The following AUTS2 variants were observed in gnomAD, a reference collection of about 807,000 sequenced individuals.
AUTS2 encodes activator of transcription and developmental regulator AUTS2.
In AUTS2, 17 loss-of-function variants were observed where a neutral mutation model predicts 112.4. The ratio of observed to expected loss-of-function variants is 0.15; its 90% CI spans 0.10 to 0.23. The LOEUF (loss-of-function observed/expected upper bound fraction) is 0.23, where lower values mean the gene tolerates loss of function less well. Among genes scored for constraint, AUTS2 ranks in the 10% least tolerant of loss-of-function variants. AUTS2 has a pLI of 1.00. For missense variants in AUTS2, 1,510 were observed against 1,701.6 expected, an observed-to-expected ratio of 0.89 and a Z score of 1.98; for synonymous variants, 751 against 702.7, an observed-to-expected ratio of 1.07 and a Z score of -1.09.
chr7:70,173,174 C>A (rs1381613056), intron 4 of AUTS2, among the ~76,000 whole-genome samples: 1 of 151,960 alleles, frequency 6.6e-6, no homozygotes, highest in Admixed American at 6.6e-5. Context: ...GTCAGGAGAT[C>A]GAGACCATCC....
chr7:70,165,199 G>C (rs1009561955), intron 4 of AUTS2, among the ~76,000 whole-genome samples: 9 of 152,162 alleles, frequency 5.9e-5, no homozygotes, highest in African/African-American at 7.2e-5. Flanking sequence ...AAAAAATGGA[G>C]CATTGCCATA....
chr7:69,715,978 CAG>C (rs1798586932), intron 1 of AUTS2, among the ~76,000 whole-genome samples: 2 of 152,194 alleles, frequency 1.3e-5, no homozygotes, highest in Admixed American at 6.5e-5. Flanking sequence ...CTATAGAGCA[CAG>C]AGTCTTAACC....
chr7:70,161,837 A>AT (rs1267926863), intron 4 of AUTS2, among the ~76,000 whole-genome samples: 6 of 151,946 alleles, frequency 3.9e-5, no homozygotes, highest in African/African-American at 1.2e-4. Context: ...TCGTGGTGTA[A>AT]TTTTTTACAA....
At chr7:70,014,513 A>C (rs942391919) in intron 2 of AUTS2, among the ~76,000 whole-genome samples, 1 of 152,220 alleles carries the variant, frequency 6.6e-6, no homozygotes, top group African/African-American at 2.4e-5. Context: ...TTATTAAATT[A>C]ATGAAGATTT....
At chr7:70,392,802 A>G (rs1793921848) in intron 4 of AUTS2, among the ~76,000 whole-genome samples, 1 of 152,212 alleles carries the variant, frequency 6.6e-6, no homozygotes, top group South Asian at 2.1e-4. Context: ...TTTTCCAGAA[A>G]TCTTTAGACA....
intron 1 of AUTS2, among the ~76,000 whole-genome samples, chr7:69,659,847 G>T (rs1795716833): frequency 6.6e-6 from 1 of 152,092 alleles, no homozygotes; most frequent in Admixed American, 6.5e-5. Context: ...TTATGACTCA[G>T]CTACCTGCTT....
At chr7:70,012,918 T>C (rs1799870317) in intron 2 of AUTS2, among the ~76,000 whole-genome samples, 1 of 152,216 alleles carries the variant, frequency 6.6e-6, no homozygotes, top group South Asian at 2.1e-4. Flanking sequence ...AAATAAGTGC[T>C]CATGAATAGG....
intron 4 of AUTS2, among the ~76,000 whole-genome samples, chr7:70,278,560 G>A (rs1788048117): frequency 6.6e-6 from 1 of 152,034 alleles, no homozygotes; most frequent in South Asian, 2.1e-4. Flanking sequence ...CTGGGTGACA[G>A]AGTAAGACAG....
At chr7:70,164,540 T>A (rs1274827344) in intron 4 of AUTS2, among the ~76,000 whole-genome samples, 1 of 152,140 alleles carries the variant, frequency 6.6e-6, no homozygotes, top group East Asian at 1.9e-4. Flanking sequence ...TTAAAAAATT[T>A]TTTTGATGTT....
chr7:69,890,110 C>T (rs575287134), intron 1 of AUTS2, among the ~76,000 whole-genome samples: 1 of 152,208 alleles, frequency 6.6e-6, no homozygotes, highest in Admixed American at 6.5e-5. Context: ...TCCTTCAGGG[C>T]TGAGAGCCTA....
chr7:70,013,868 T>C (rs1288474286), intron 2 of AUTS2, among the ~76,000 whole-genome samples: 1 of 152,000 alleles, frequency 6.6e-6, no homozygotes, highest in Non-Finnish European at 1.5e-5. Context: ...CAGGCACGTA[T>C]CACCACGCCC....
At chr7:70,214,971 G>T (rs374334001) in intron 4 of AUTS2, among the ~76,000 whole-genome samples, 2 of 152,138 alleles carry the variant, frequency 1.3e-5, no homozygotes, top group Non-Finnish European at 2.9e-5. Context: ...AAGCTCAGGG[G>T]TTTATGGACC....
intron 5 of AUTS2, among the ~76,000 whole-genome samples, chr7:70,687,809 G>C (rs1268084385): frequency 2.0e-5 from 3 of 152,128 alleles, no homozygotes; most frequent in Non-Finnish European, 4.4e-5. Flanking sequence ...AGAGGAACTG[G>C]GGGCCACCTG....
intron 2 of AUTS2, among the ~76,000 whole-genome samples, chr7:69,986,092 T>G (rs2129550847): frequency 6.6e-6 from 1 of 152,184 alleles, no homozygotes; most frequent in East Asian, 1.9e-4. Context: ...CTGTTATTGT[T>G]TCCTCTGTAT....
chr7:69,787,017 A>C (rs1789407089), intron 1 of AUTS2, among the ~76,000 whole-genome samples: 1 of 152,224 alleles, frequency 6.6e-6, no homozygotes, highest in Non-Finnish European at 1.5e-5. Context: ...AGTAAACTGA[A>C]ACTCTGAGGT....
At position 69,659,256 on chromosome 7, in the gene AUTS2, AAAG is replaced by A. The variant is rs1795676773; in HGVS notation, c.309+59298_309+59300del. Among the ~76,000 whole-genome samples, 3 of 152,198 alleles carry A rather than the reference AAAG, an allele frequency of 2.0e-5. No individual in the cohort carries two copies. In the South Asian group the frequency reaches 6.2e-4, roughly 32 times the overall value. Reference sequence around the variant, plus strand: ...GGAGTAGAGGAATTTGTGAAGAAGGAAAGAAGGTTAGGAGATGCATAGAGCAGA... The same window carrying A: ...GGAGTAGAGGAATTTGTGAAGAAGGAAAGGTTAGGAGATGCATAGAGCAGA... On this transcript the variant is annotated intron_variant, in intron 1 of 18. Transcript: ENST00000342771.
chr7:69,807,526 T>G (rs1790360133), intron 1 of AUTS2, among the ~76,000 whole-genome samples: 1 of 152,200 alleles, frequency 6.6e-6, no homozygotes, highest in African/African-American at 2.4e-5. Flanking sequence ...AAGAGGTCAT[T>G]GCTCTTCCTT....
chr7:70,084,423 C>G (rs1030233230), intron 2 of AUTS2, among the ~76,000 whole-genome samples: 3 of 152,154 alleles, frequency 2.0e-5, no homozygotes, highest in Non-Finnish European at 4.4e-5. Flanking sequence ...GGATAATGTA[C>G]TAGGTATATG....
chr7:70,732,312 G>A (rs566238119), intron 6 of AUTS2, among the ~76,000 whole-genome samples: 1 of 152,280 alleles, frequency 6.6e-6, no homozygotes, highest in African/African-American at 2.4e-5. Context: ...TGACCCATCT[G>A]CCCTTTAGGA....
Sources: gnomAD v4.1 joint callset for allele counts (sites outside exome capture counted in the v4.1 genomes callset) on GRCh38, gnomAD v4.1.1 for gene constraint, MANE v1.5 for transcripts, NCBI Gene and HGNC (gene_info 2026-07-23, HGNC 2026-07-21) for gene names.